The following ZNF544 variants were observed in gnomAD, a reference collection of about 807,000 sequenced individuals.
ZNF544 encodes the protein zinc finger protein AF020591.
A neutral mutation model predicts 13.5 loss-of-function variants in ZNF544; 10 were observed. The ratio of observed to expected loss-of-function variants is 0.74; its 90% CI spans 0.46 to 1.25. The LOEUF (loss-of-function observed/expected upper bound fraction) is 1.25, where lower values mean the gene tolerates loss of function less well. Among genes scored for constraint, ZNF544 ranks in the 50% most tolerant of loss-of-function variants. The pLI is 0.00. For missense variants in ZNF544, 896 were observed against 845.6 expected, an observed-to-expected ratio of 1.06 and a Z score of -0.74; for synonymous variants, 323 against 300.5, an observed-to-expected ratio of 1.07 and a Z score of -0.77.
intron 5 of ZNF544, among the ~76,000 whole-genome samples, chr19:58,270,124 T>C (rs2050446431): frequency 6.6e-6 from 1 of 152,170 alleles, no homozygotes; most frequent in African/African-American, 2.4e-5. Flanking sequence ...TGGTTATAGT[T>C]CCTATGTGAA....
At chr19:58,276,282 G>A (rs1377603300) in intron 5 of ZNF544, 6 of 1,117,406 alleles carry the variant, frequency 5.4e-6, no homozygotes, top group African/African-American at 4.8e-5. Flanking sequence ...CACTGTGCAG[G>A]GGAAGGCAAT....
intron 3 of ZNF544, among the ~76,000 whole-genome samples, chr19:58,240,351 G>A (rs1046031289): frequency 2.6e-5 from 4 of 151,376 alleles, no homozygotes; most frequent in Non-Finnish European, 5.9e-5. Flanking sequence ...TCCGCCTCCC[G>A]GGTTCACGCC....
In ZNF544 at chr19:58,262,980, C is replaced by G; in HGVS notation, c.*226C>G. The G allele has an allele frequency of 7.4e-7, 1 of 1,357,896 alleles. No homozygotes were observed. Among genetic ancestry groups the G allele is most frequent in the Non-Finnish European group, 9.5e-7 (1 of 1,056,312 alleles). 84.1% of individuals were successfully genotyped at this position (1,357,896 alleles called of 1,614,324 possible). On this transcript the variant is annotated 3_prime_UTR_variant, in exon 7 of 7. Transcript: ENST00000687789. The stretch of plus-strand genomic sequence containing the variant: ...CTTAGTAAACACGAGAGGACACACA[C>G]TGGAGGCAAACCCTATGAATGTGAC...
chr19:58,243,812 G>T, intron 3 of ZNF544, 153 bp from the exon 4 acceptor site: 1 of 511,828 alleles, frequency 2.0e-6, no homozygotes, highest in Non-Finnish European at 3.3e-6. Context: ...GCACATCCCC[G>T]AGCCTGAGGT....
Position 58,263,429 on chromosome 19 carries a change from G to A in ZNF544, c.*675G>A, listed in dbSNP as rs111260484. 3.6e-5 allele frequency: 35 copies of A among 984,908 alleles called. No homozygotes were observed. The highest frequency in any genetic ancestry group is 1.9e-4 in the South Asian group (4 of 21,256). The allele number at this position is 984,908 out of a possible 1,614,324, so 61.0% of individuals were successfully genotyped here. On this transcript the variant is annotated 3_prime_UTR_variant, in exon 7 of 7. Coordinates refer to ENST00000687789, the MANE Select transcript of ZNF544 (RefSeq NM_014480.4). ...TGAGCTGTGATCATGCCATCACACC[G>A]CTGCCTTGTGAGAGATTGAGACACT...
intron 5 of ZNF544, among the ~76,000 whole-genome samples, chr19:58,275,312 C>G (rs1451355806): frequency 6.6e-6 from 1 of 152,096 alleles, no homozygotes; most frequent in Non-Finnish European, 1.5e-5. Context: ...TGGACACCAA[C>G]TGGCACTGGC....
chr19:58,276,185 AAT>A (rs1450611602), intron 5 of ZNF544: 4 of 385,912 alleles, frequency 1.0e-5, no homozygotes, highest in Non-Finnish European at 1.8e-5. Flanking sequence ...TCAAAAAACA[AAT>A]AAACAACAAA....
intron 3 of ZNF544, among the ~76,000 whole-genome samples, chr19:58,233,340 A>G (rs1186347705): frequency 6.6e-6 from 1 of 152,134 alleles, no homozygotes; most frequent in Non-Finnish European, 1.5e-5. Context: ...TTACAGGATT[A>G]AGGCCTGGCC....
downstream of ZNF544, among the ~76,000 whole-genome samples, chr19:58,266,255 A>G (rs1380290980): frequency 7.1e-6 from 1 of 141,512 alleles, no homozygotes; most frequent in Non-Finnish European, 1.5e-5. Context: ...GCGGTGGCTC[A>G]CGCCTGTGAT....
intron 3 of ZNF544, 37 bp from the exon 4 acceptor site, chr19:58,243,928 G>T (rs1345616357): frequency 6.7e-7 from 1 of 1,498,616 alleles, no homozygotes; most frequent in Non-Finnish European, 9.0e-7. Flanking sequence ...GTTTGCAGGA[G>T]CCGAGGGGCT....
At chr19:58,273,537 A>AAAATT (rs2050915823) in intron 5 of ZNF544, among the ~76,000 whole-genome samples, 1 of 151,608 alleles carries the variant, frequency 6.6e-6, no homozygotes, top group Non-Finnish European at 1.5e-5. Context: ...AAAAATACAA[A>AAAATT]AAATTAGCCG....
At position 58,242,009 on chromosome 19, in the gene ZNF544, AAG is replaced by A. The variant is rs140913102; in HGVS notation, c.-59-1950_-59-1949del. On this transcript the variant is annotated intron_variant, in intron 3 of 6. Coordinates refer to ENST00000687789, the MANE Select transcript of ZNF544 (RefSeq NM_014480.4). ...TGAAGAATGTTATGTGTCTGTTCAG[AAG>A]AGAGATTAGGACCTGCGAAGCTCAT... Among the ~76,000 whole-genome samples, 1,060 of 152,044 alleles carry A rather than the reference AAG, an allele frequency of 7.0e-3. 9 individuals are homozygous for A. Among genetic ancestry groups the A allele is most frequent in the African/African-American group, 0.024 (984 of 41,488 alleles).
At chr19:58,251,736 C>G (rs2046328850) in intron 6 of ZNF544, among the ~76,000 whole-genome samples, 1 of 152,278 alleles carries the variant, frequency 6.6e-6, no homozygotes, top group Admixed American at 6.5e-5. Context: ...AATTTTTTCT[C>G]TAGGGGAATT....
chr19:58,237,079 T>TC (rs1298991379), intron 3 of ZNF544, among the ~76,000 whole-genome samples: 5 of 148,912 alleles, frequency 3.4e-5, no homozygotes, highest in Admixed American at 6.7e-5. Flanking sequence ...TTTTTTTTTT[T>TC]CCCCACATAG....
At chr19:58,248,262 CTTTTT>C (rs1025723819) in intron 6 of ZNF544, among the ~76,000 whole-genome samples, 1 of 136,746 alleles carries the variant, frequency 7.3e-6, no homozygotes, top group Non-Finnish European at 1.6e-5. Flanking sequence ...AGGGTTCATG[CTTTTT>C]TTTTTCTTTT....
chr19:58,232,765 T>TAAAAAAAAAA (rs529610316), intron 3 of ZNF544, among the ~76,000 whole-genome samples: 139 of 107,998 alleles, frequency 1.3e-3, no homozygotes, highest in Non-Finnish European at 1.8e-3. Flanking sequence ...CCGTCTCTAC[T>TAAAAAAAAAA]AAAAAAAAAA....
intron 3 of ZNF544, among the ~76,000 whole-genome samples, chr19:58,232,946 C>CAAAA (rs71190012): frequency 1.7e-4 from 8 of 46,042 alleles, no homozygotes; most frequent in East Asian, 7.3e-4. Flanking sequence ...GACTCCATCT[C>CAAAA]AAAAAAAAAA....
At chr19:58,266,471 T>C (rs1281661059), downstream of ZNF544, among the ~76,000 whole-genome samples, 3 of 127,106 alleles carry the variant, frequency 2.4e-5, no homozygotes, top group Non-Finnish European at 3.1e-5. Context: ...GCCAAAATCA[T>C]GCCACTGCAC....
chr19:58,255,341 C>T (rs2047059516), intron 6 of ZNF544, among the ~76,000 whole-genome samples: 1 of 151,706 alleles, frequency 6.6e-6, no homozygotes, highest in African/African-American at 2.4e-5. Flanking sequence ...CATGCCCAGC[C>T]AATTTTTTTG....
Sources: gnomAD v4.1 joint callset for allele counts (sites outside exome capture counted in the v4.1 genomes callset) on GRCh38, gnomAD v4.1.1 for gene constraint, MANE v1.5 for transcripts, NCBI Gene and HGNC (gene_info 2026-07-23, HGNC 2026-07-21) for gene names.